KDM4C: variants seen among roughly 807,000 people sequenced by gnomAD.
The protein encoded by KDM4C is lysine-specific demethylase 4C.
Under a neutral mutation model 129.3 loss-of-function variants are expected in KDM4C, and 81 were observed. The ratio of observed to expected loss-of-function variants is 0.63; its 90% CI spans 0.52 to 0.75. The LOEUF (loss-of-function observed/expected upper bound fraction) is 0.75, where lower values mean the gene tolerates loss of function less well. Ranked by LOEUF, KDM4C falls within the 30% of genes least tolerant of loss-of-function variation. The pLI is 0.00. For synonymous variants in KDM4C, 573 were observed against 456.1 expected, an observed-to-expected ratio of 1.26 and a Z score of -3.26; for missense variants, 1,457 against 1,304.0, an observed-to-expected ratio of 1.12 and a Z score of -1.81.
intron 1 of KDM4C, among the ~76,000 whole-genome samples, chr9:6,764,651 A>G (rs1588120703): frequency 1.3e-5 from 2 of 152,222 alleles, no homozygotes; most frequent in Middle Eastern, 3.2e-3. Flanking sequence ...TATTTCAGCT[A>G]CTATGGTATT....
At chr9:6,998,838 AC>A (rs1820248282) in intron 12 of KDM4C, among the ~76,000 whole-genome samples, 1 of 152,134 alleles carries the variant, frequency 6.6e-6, no homozygotes, top group Non-Finnish European at 1.5e-5. Flanking sequence ...AACAACAACA[AC>A]AAAAAATTGT....
chr9:7,026,067 G>A (rs910761801), intron 15 of KDM4C, among the ~76,000 whole-genome samples: 8 of 152,010 alleles, frequency 5.3e-5, no homozygotes, highest in Non-Finnish European at 7.4e-5. Flanking sequence ...TTAGTTGGGT[G>A]TTGTGGCGAG....
chr9:6,942,072 A>T (rs1826050042), intron 8 of KDM4C, among the ~76,000 whole-genome samples: 2 of 152,298 alleles, frequency 1.3e-5, no homozygotes, highest in South Asian at 4.1e-4. Context: ...AAATTGGTAG[A>T]GCAGTTATTG....
chr9:7,105,659 C>G (rs1379428835), intron 18 of KDM4C, among the ~76,000 whole-genome samples: 1 of 152,168 alleles, frequency 6.6e-6, no homozygotes, highest in African/African-American at 2.4e-5. Flanking sequence ...CCCCAAACCT[C>G]AAATGGTGCT....
intron 15 of KDM4C, among the ~76,000 whole-genome samples, chr9:7,020,779 C>T (rs1045032615): frequency 3.3e-5 from 5 of 152,128 alleles, no homozygotes; most frequent in African/African-American, 7.2e-5. Flanking sequence ...ATGGGGTGTA[C>T]GTCATTTCAA....
chr9:6,760,497 G>T (rs1819209103), intron 1 of KDM4C, among the ~76,000 whole-genome samples: 1 of 149,524 alleles, frequency 6.7e-6, no homozygotes, highest in Non-Finnish European at 1.5e-5. Flanking sequence ...TCTGTTGAAT[G>T]ACTGCATGCG....
chr9:7,160,452 A>G (rs199566833), intron 19 of KDM4C, among the ~76,000 whole-genome samples: 1 of 152,162 alleles, frequency 6.6e-6, no homozygotes, highest in East Asian at 1.9e-4. Context: ...TGGTTTCTCC[A>G]CATCTTTGTG....
chr9:6,867,005 A>ATG (rs1563725636), intron 5 of KDM4C, among the ~76,000 whole-genome samples: 10 of 77,232 alleles, frequency 1.3e-4, no homozygotes, highest in Non-Finnish European at 2.3e-4. Context: ...GTGTGTATAT[A>ATG]TATATATATA....
chr9:6,771,080 CTTTTT>C (rs35945405), intron 1 of KDM4C, among the ~76,000 whole-genome samples: 5,820 of 56,538 alleles, frequency 0.1, 227 homozygotes, highest in Middle Eastern at 0.28. Context: ...GACTGTGAAT[CTTTTT>C]TTTTTTTTTT....
intron 17 of KDM4C, among the ~76,000 whole-genome samples, chr9:7,066,375 T>G (rs898468681): frequency 2.0e-5 from 3 of 152,192 alleles, no homozygotes; most frequent in Non-Finnish European, 2.9e-5. Context: ...TTTGGTAGTT[T>G]TGGAAGGCAC....
intron 5 of KDM4C, among the ~76,000 whole-genome samples, chr9:6,861,773 T>C (rs1425440379): frequency 6.6e-6 from 1 of 151,738 alleles, no homozygotes; most frequent in Non-Finnish European, 1.5e-5. Flanking sequence ...TATATTTCTT[T>C]CTTTCTTTTT....
Position 7,103,854 on chromosome 9 carries a change from A to G in KDM4C, c.2594A>G (p.Lys865Arg), listed in dbSNP as rs907338005. Residue 865 changes from lysine (K) to arginine (R), a missense_variant, in exon 18 of 22, where the codon AAG becomes AGG. Lys to Arg is a conservative substitution (Grantham distance 26). Transcript: ENST00000381309. ...GTGAACATTACATGCTTTCGACATA[A>G]GGTCAACCCCAACGTGGTAAGATGT... is the stretch of plus-strand genomic sequence containing the variant. ...YVVNITCFRH[K>R]VNPNVKSKAC... is the part of the protein sequence containing the mutation. 4.3e-6 allele frequency: 7 copies of G among 1,613,810 alleles called. No individual in the cohort carries two copies. The highest frequency in any genetic ancestry group is 1.1e-5 in the South Asian group (1 of 91,076).
At chr9:6,993,348 C>T (rs1425278711) in intron 12 of KDM4C, among the ~76,000 whole-genome samples, 4 of 151,828 alleles carry the variant, frequency 2.6e-5, no homozygotes, top group African/African-American at 9.7e-5. Context: ...TTTCTTTTAA[C>T]TGAAATGTTT....
At chr9:6,778,009 C>T (rs1473930844) in intron 1 of KDM4C, among the ~76,000 whole-genome samples, 1 of 150,882 alleles carries the variant, frequency 6.6e-6, no homozygotes, top group Admixed American at 6.6e-5. Context: ...CAGCCTTGAA[C>T]TCTTGGACTC....
chr9:6,880,410 T>C (rs1431889207), intron 6 of KDM4C, among the ~76,000 whole-genome samples: 3 of 152,178 alleles, frequency 2.0e-5, no homozygotes, highest in African/African-American at 7.2e-5. Flanking sequence ...TTAAATTAAG[T>C]TACATTCTTC....
At chr9:7,172,633 G>A (rs1182859064) in intron 21 of KDM4C, among the ~76,000 whole-genome samples, 1 of 152,218 alleles carries the variant, frequency 6.6e-6, no homozygotes, top group Admixed American at 6.5e-5. Context: ...GTGGTATGTG[G>A]GGGAAGCCGT....
chr9:6,754,002 C>G (rs1194748593), upstream of KDM4C, among the ~76,000 whole-genome samples: 1 of 149,484 alleles, frequency 6.7e-6, no homozygotes, highest in Non-Finnish European at 1.5e-5. Context: ...AGCCTCTGGA[C>G]TAGCTGGGAC....
At chr9:6,777,288 G>A (rs1487886829) in intron 1 of KDM4C, among the ~76,000 whole-genome samples, 2 of 152,118 alleles carry the variant, frequency 1.3e-5, no homozygotes, top group Non-Finnish European at 2.9e-5. Flanking sequence ...TGCCACTTAC[G>A]TTCTCAGCAA....
intron 1 of KDM4C, among the ~76,000 whole-genome samples, chr9:6,791,559 T>C (rs1826620808): frequency 6.6e-6 from 1 of 152,322 alleles, no homozygotes; most frequent in South Asian, 2.1e-4. Flanking sequence ...TTAATTACTG[T>C]AGGAAGGCAT....
Sources: allele counts gnomAD v4.1 joint callset (sites outside exome capture counted in the v4.1 genomes callset), GRCh38; gene constraint gnomAD v4.1.1; transcripts MANE v1.5; gene names NCBI Gene and HGNC (gene_info 2026-07-23, HGNC 2026-07-21).